The following STX11 variants were observed in gnomAD, a reference collection of about 807,000 sequenced individuals.
The protein encoded by STX11 is syntaxin 11.
In STX11, 21 loss-of-function variants were observed where a neutral mutation model predicts 19.9. The ratio of observed to expected loss-of-function variants is 1.06; its 90% CI spans 0.75 to 1.52. The LOEUF (loss-of-function observed/expected upper bound fraction) is 1.52. STX11 is among the 40% of genes most tolerant of loss of function. STX11 has a pLI of 0.00. For missense variants in STX11, 438 were observed against 405.9 expected (o/e 1.08, Z -0.68); for synonymous variants, 193 against 174.4 (o/e 1.11, Z -0.84).
At position 144,151,320 on chromosome 6, in the gene STX11, A is replaced by G. The variant is rs745871133; in HGVS notation, c.-6+617A>G. On this transcript the variant is annotated intron_variant, in intron 1 of 1. Transcript: ENST00000367568. This position sits in a 1 kb window ranked among gnomAD's most constrained non-coding sequence, Gnocchi z 4.6. ...CTGCCTTTTTCTAGACTCCGCTGAC[A>G]CCAGCTGAGATCTGTATTACTTCCT... 3.0e-4 allele frequency: 298 copies of G among 985,300 alleles called. No homozygotes were observed. The highest frequency in any genetic ancestry group is 3.5e-4 in the Non-Finnish European group (287 of 829,918). 61.0% of individuals were successfully genotyped at this position (985,300 alleles called of 1,614,324 possible).
rs7776313 is a variant in STX11, at chr6:144,161,524, C to T, written c.-6+10821C>T. ...CTAGGATTACAGGCGCCCGCCACCA[C>T]GTCCAGCTAATTTTTGTATTTTTAG... On this transcript the variant is annotated intron_variant, in intron 1 of 1. Coordinates refer to ENST00000367568, the MANE Select transcript of STX11 (RefSeq NM_003764.4). Among the ~76,000 whole-genome samples the T allele has an allele frequency of 4.8e-3, 729 of 152,244 alleles. 6 individuals are homozygous for T. Among genetic ancestry groups the T allele is most frequent in the African/African-American group, 0.016 (683 of 41,546 alleles).
At chr6:144,171,152 C>G (rs1801620122) in intron 1 of STX11, among the ~76,000 whole-genome samples, 1 of 152,174 alleles carries the variant, frequency 6.6e-6, no homozygotes, top group Non-Finnish European at 1.5e-5. Context: ...CTGGATATGT[C>G]TCCACATAAT....
rs1317366589 is a variant in STX11 at position 144,189,628 on chromosome 6, A to G, written c.*2137A>G. Among the ~76,000 whole-genome samples, 1 of 152,190 alleles carries G rather than the reference A, an allele frequency of 6.6e-6. No homozygotes were observed. The highest frequency in any genetic ancestry group is 6.5e-5 in the Admixed American group (1 of 15,288). ...ATTTCTCAGGTCCTTTAGAAGCTGG[A>G]ATTTTAAAAGAATTAGAAGGAGGAG... On this transcript the variant is annotated 3_prime_UTR_variant, in exon 2 of 2. Coordinates refer to ENST00000367568, the MANE Select transcript of STX11 (RefSeq NM_003764.4).
In STX11 at chr6:144,160,683, A is replaced by T. The variant is rs1407985669; in HGVS notation, c.-6+9980A>T. 6.6e-6 allele frequency among the ~76,000 whole-genome samples: 1 copy of T among 152,214 alleles called. No homozygotes were observed. The highest frequency in any genetic ancestry group is 2.4e-5 in the African/African-American group (1 of 41,464). On this transcript the variant is annotated intron_variant, in intron 1 of 1. Transcript: ENST00000367568. The surrounding 1 kb of genome is among the most constrained non-coding windows in gnomAD (Gnocchi z 4.3). The stretch of plus-strand genomic sequence containing the variant: ...ATTAATTCACCATAAAGCAGCACTT[A>T]CTAGATGTAGGTGGAGTTATGTAAT...
At chr6:144,141,639 T>A in the STX11 span, among the ~76,000 whole-genome samples, 1 of 149,806 alleles carries the variant, frequency 6.7e-6, no homozygotes, top group African/African-American at 2.5e-5. Context: ...CTTTGGAAAG[T>A]CATTATTTTC....
In STX11 at chr6:144,155,868, A is replaced by G. The variant is rs1314080919; in HGVS notation, c.-6+5165A>G. On this transcript the variant is annotated intron_variant, in intron 1 of 1. Transcript: ENST00000367568. The surrounding 1 kb of genome is among the most constrained non-coding windows in gnomAD (Gnocchi z 4.5). Reference sequence around the variant, plus strand: ...GCTCAGTAATTGGGTAATTTTTAGAATGATGTAGAGTTGTAGAATTGGTAA... The same window carrying G: ...GCTCAGTAATTGGGTAATTTTTAGAGTGATGTAGAGTTGTAGAATTGGTAA... Among the ~76,000 whole-genome samples the G allele has an allele frequency of 6.6e-6, 1 of 152,130 alleles. No individual in the cohort carries two copies. The highest frequency in any genetic ancestry group is 1.5e-5 in the Non-Finnish European group (1 of 68,028).
At chr6:144,144,012 T>G in the STX11 span, among the ~76,000 whole-genome samples, 6 of 152,250 alleles carry the variant, frequency 3.9e-5, no homozygotes, top group Non-Finnish European at 7.3e-5. Context: ...CAGATATTCC[T>G]AGGTCTTGTT....
intron 1 of STX11, among the ~76,000 whole-genome samples, chr6:144,179,812 T>C (rs892008172): frequency 6.6e-6 from 1 of 152,196 alleles, no homozygotes; most frequent in Non-Finnish European, 1.5e-5. Context: ...ACCTTCTGAT[T>C]TGTAATAATC....
intron 1 of STX11, among the ~76,000 whole-genome samples, chr6:144,156,024 C>CCTTCCTTCCTTCCTTCCTTCCT (rs1562655655): frequency 5.8e-5 from 6 of 102,848 alleles, no homozygotes; most frequent in African/African-American, 2.9e-4. Flanking sequence ...CTCTCTTTCT[C>CCTTCCTTCCTTCCTTCCTTCCT]TCCTTCCTTC....
At chr6:144,142,362 G>A in the STX11 span, among the ~76,000 whole-genome samples, 1 of 152,090 alleles carries the variant, frequency 6.6e-6, no homozygotes, top group Non-Finnish European at 1.5e-5. Flanking sequence ...TTGTATGTGA[G>A]TAATGATGAC....
At chr6:144,157,250 C>G (rs1460214568) in intron 1 of STX11, among the ~76,000 whole-genome samples, 1 of 152,182 alleles carries the variant, frequency 6.6e-6, no homozygotes, top group Non-Finnish European at 1.5e-5. Context: ...CAGGGAGGAG[C>G]TTGGAAGCTG....
At position 144,184,739 on chromosome 6, in the gene STX11, A is replaced by G. The variant is rs1369432395; in HGVS notation, c.-5-1884A>G. On this transcript the variant is annotated intron_variant, in intron 1 of 1. Transcript: ENST00000367568. This position sits in a 1 kb window ranked among gnomAD's most constrained non-coding sequence, Gnocchi z 6.5. ...GTATGAAGACTAAAGAGGGTATCAC[A>G]TGAAAGATGCCTAGAAAATATCAGG... Among the ~76,000 whole-genome samples, 3 of 152,230 alleles carry G rather than the reference A, an allele frequency of 2.0e-5. No homozygotes were observed. The highest frequency in any genetic ancestry group is 4.4e-5 in the Non-Finnish European group (3 of 68,040).
In STX11 at chr6:144,153,483, C is replaced by CT. The variant is rs1180346069; in HGVS notation, c.-6+2780_-6+2781insT. The stretch of plus-strand genomic sequence containing the variant: ...CAGGAAACTCCAGCCTGTTTAGTGA[C>CT]GGCACAGAGGGAGGCCTACGGAGAC... On this transcript the variant is annotated intron_variant, in intron 1 of 1. Coordinates refer to ENST00000367568, the MANE Select transcript of STX11 (RefSeq NM_003764.4). This position sits in a 1 kb window ranked among gnomAD's most constrained non-coding sequence, Gnocchi z 5.0. 6.6e-6 allele frequency among the ~76,000 whole-genome samples: 1 copy of CT among 152,114 alleles called. No individual in the cohort carries two copies. The highest frequency in any genetic ancestry group is 1.5e-5 in the Non-Finnish European group (1 of 68,032).
chr6:144,164,860 ATT>A (rs199705705), intron 1 of STX11, among the ~76,000 whole-genome samples: 157 of 149,712 alleles, frequency 1.0e-3, no homozygotes, highest in African/African-American at 3.8e-3. Context: ...TGCCTGGGTA[ATT>A]TTTTTTTTAT....
Position 144,172,757 on chromosome 6 carries a change from T to A in STX11, c.-5-13866T>A, listed in dbSNP as rs1010004465. On this transcript the variant is annotated intron_variant, in intron 1 of 1. Coordinates refer to ENST00000367568, the MANE Select transcript of STX11 (RefSeq NM_003764.4). This position sits in a 1 kb window ranked among gnomAD's most constrained non-coding sequence, Gnocchi z 4.2. ...CATGAGATCTAGATACAGTTCAGAC[T>A]CCTCAGAGATAGCTCTTCTTATGCT... Among the ~76,000 whole-genome samples, 4 of 152,110 alleles carry A rather than the reference T, an allele frequency of 2.6e-5. No homozygotes were observed. Among genetic ancestry groups the A allele is most frequent in the Admixed American group, 1.3e-4 (2 of 15,264 alleles).
chr6:144,142,721 A>C, the STX11 span, among the ~76,000 whole-genome samples: 1 of 152,204 alleles, frequency 6.6e-6, no homozygotes, highest in Non-Finnish European at 1.5e-5. Flanking sequence ...ATAGATAGAT[A>C]CCAGATGCTG....
chr6:144,140,213 T>TATATATAG, the STX11 span, among the ~76,000 whole-genome samples: 1 of 26,400 alleles, frequency 3.8e-5, no homozygotes, highest in East Asian at 6.4e-4. Flanking sequence ...AATTCACATA[T>TATATATAG]ATATATATAT....
rs113335553 is a variant in STX11 at position 144,153,623 on chromosome 6, T to A, written c.-6+2920T>A. Among the ~76,000 whole-genome samples, 455 of 152,332 alleles carry A rather than the reference T, an allele frequency of 3.0e-3. 4 individuals carry two copies. The highest frequency in any genetic ancestry group is 0.011 in the African/African-American group (440 of 41,572). On this transcript the variant is annotated intron_variant, in intron 1 of 1. Coordinates refer to ENST00000367568, the MANE Select transcript of STX11 (RefSeq NM_003764.4). The surrounding 1 kb of genome is among the most constrained non-coding windows in gnomAD (Gnocchi z 5.0). ...AAAATAATAACAAAACTTGGAATTT[T>A]AAAAATCTTAGATTAGATGAGAGTG...
rs1356239171 is a variant in STX11, at chr6:144,190,551, A to T, written c.*3060A>T. On this transcript the variant is annotated 3_prime_UTR_variant, in exon 2 of 2. Transcript: ENST00000367568. The stretch of plus-strand genomic sequence containing the variant: ...AATAAATAATAAAATGGAATAAAGA[A>T]ACCAAGACCCCATCTTCTGTGAATA... Among the ~76,000 whole-genome samples the T allele has an allele frequency of 6.6e-6, 1 of 152,062 alleles. No individual in the cohort carries two copies. Among genetic ancestry groups the T allele is most frequent in the East Asian group, 1.9e-4 (1 of 5,202 alleles).
Sources: allele counts gnomAD v4.1 joint callset (sites outside exome capture counted in the v4.1 genomes callset), GRCh38; gene constraint gnomAD v4.1.1; non-coding constraint Gnocchi (gnomAD v3.1); transcripts MANE v1.5; gene names NCBI Gene and HGNC (gene_info 2026-07-23, HGNC 2026-07-21).